CYB5R3: variants seen among roughly 807,000 people sequenced by gnomAD.
The protein encoded by CYB5R3 is NADH-cytochrome b5 reductase 3.
A neutral mutation model predicts 36.5 loss-of-function variants in CYB5R3; 28 were observed. The observed-to-expected ratio is 0.77, with a 90% confidence interval of 0.57 to 1.05. CYB5R3 has a LOEUF of 1.05. CYB5R3 is among the 50% of genes least tolerant of loss of function. CYB5R3 has a pLI of 0.00. For missense variants in CYB5R3, 474 were observed against 408.9 expected (o/e 1.16, Z -1.37); for synonymous variants, 181 against 159.8 (o/e 1.13, Z -1.00).
At chr22:42,642,236 G>A (rs1358586216) in intron 1 of CYB5R3, among the ~76,000 whole-genome samples, 2 of 151,106 alleles carry the variant, frequency 1.3e-5, no homozygotes, top group South Asian at 2.1e-4. Context: ...CCCAGTCCCC[G>A]AAGTAACTGG....
chr22:42,636,924 C>A, intron 1 of CYB5R3, 78 bp from the exon 2 acceptor site: 1 of 1,560,338 alleles, frequency 6.4e-7, no homozygotes, highest in African/African-American at 1.4e-5. Context: ...CACTACCAGG[C>A]CTCTGCTCAC....
In CYB5R3 at chr22:42,628,294, C is replaced by A. The variant is rs1349025605; in HGVS notation, c.334-13G>T. On this transcript the variant is annotated splice_polypyrimidine_tract_variant and intron_variant, in intron 4 of 8. Transcript: ENST00000352397. ...CCTTGAAGTAAACCTGCAAGACACC[C>A]CCGCAGCCCTCAGTCCCCAGCTCCA... The A allele has an allele frequency of 6.2e-7, 1 of 1,613,124 alleles. No homozygotes were observed. Among genetic ancestry groups the A allele is most frequent in the African/African-American group, 1.3e-5 (1 of 74,898 alleles).
rs201760253 is a variant in CYB5R3 at position 42,619,298 on chromosome 22, C to T, written c.*475G>A. 1.3e-4 allele frequency: 22 copies of T among 175,186 alleles called. No individual in the cohort carries two copies. In the East Asian group the frequency reaches 1.8e-3, roughly 14 times the overall value. The allele number at this position is 175,186 out of a possible 1,614,324, so 10.9% of individuals were successfully genotyped here. On this transcript the variant is annotated 3_prime_UTR_variant, in exon 9 of 9. Transcript: ENST00000352397. ...TTTCTGGTGTCAATGTCTCATGCAG[C>T]GTCAGGTGGTGAGGCCTGGGCCTGG...
intron 1 of CYB5R3, among the ~76,000 whole-genome samples, chr22:42,637,409 T>G (rs1210477348): frequency 6.6e-6 from 1 of 152,138 alleles, no homozygotes; most frequent in Non-Finnish European, 1.5e-5. Flanking sequence ...CTCTCCTCTT[T>G]GCTCTCCCAC....
chr22:42,629,663 G>A (rs1013570574), intron 4 of CYB5R3, among the ~76,000 whole-genome samples: 10 of 152,202 alleles, frequency 6.6e-5, no homozygotes, highest in African/African-American at 1.9e-4. Flanking sequence ...CTACGGCCCA[G>A]TAAGGGGGCT....
chr22:42,631,182 T>C (rs778231337), intron 3 of CYB5R3, 194 bp from the exon 4 acceptor site: 95 of 744,528 alleles, frequency 1.3e-4, no homozygotes, highest in Non-Finnish European at 2.0e-4. Flanking sequence ...TCACTCCTGC[T>C]GGTGCCACTG....
chr22:42,644,504 A>G lies in CYB5R3; in HGVS notation c.21+4791T>C, dbSNP rs943660183. 23 of 1,287,382 alleles carry G rather than the reference A, an allele frequency of 1.8e-5. No individual in the cohort carries two copies. The African/African-American group carries it at 3.4e-4, about 19-fold the overall frequency. The allele number at this position is 1,287,382 out of a possible 1,614,324, so 79.7% of individuals were successfully genotyped here. A position where few individuals can be genotyped will look rare whatever the true frequency, so the allele number is the denominator to read the frequency against. ...GCATGCATCCAACCAGCAAACTCCT[A>G]TTCATTCCTCAGAGCCTAGCTCAAA... On this transcript the variant is annotated intron_variant, in intron 1 of 8. Transcript: ENST00000352397.
At chr22:42,640,405 G>A in intron 1 of CYB5R3, 1 of 587,196 alleles carries the variant, frequency 1.7e-6, no homozygotes, top group Non-Finnish European at 2.4e-6. Flanking sequence ...TTGAGATGGA[G>A]TCTCACTCTA....
chr22:42,631,495 CCTCCCAGGGCGG>C, intron 2 of CYB5R3, 45 bp from the exon 3 acceptor site: 1 of 1,532,950 alleles, frequency 6.5e-7, no homozygotes, highest in Non-Finnish European at 8.8e-7. Flanking sequence ...AGGGCAGAGG[CCTCCCAGGGCGG>C]CTCCCAGGCC....
chr22:42,639,889 T>C, intron 1 of CYB5R3: 1 of 1,388,164 alleles, frequency 7.2e-7, no homozygotes, highest in Non-Finnish European at 9.6e-7. Context: ...TTTATTCAGA[T>C]AGCAGTCTGA....
chr22:42,640,114 T>G (rs755105480), intron 1 of CYB5R3: 21 of 1,613,818 alleles, frequency 1.3e-5, no homozygotes, highest in Non-Finnish European at 1.8e-5. Context: ...GACTATTTTT[T>G]TCAGGCTCTG....
At chr22:42,647,388 AG>A (rs1292730694) in intron 1 of CYB5R3, among the ~76,000 whole-genome samples, 1 of 152,162 alleles carries the variant, frequency 6.6e-6, no homozygotes, top group Non-Finnish European at 1.5e-5. Context: ...CTGGGATGGG[AG>A]GATCACTTGA....
intron 2 of CYB5R3, among the ~76,000 whole-genome samples, chr22:42,633,560 G>A (rs972188003): frequency 1.3e-5 from 2 of 152,194 alleles, no homozygotes; most frequent in Admixed American, 6.5e-5. Flanking sequence ...CGAGGCGGGC[G>A]GATCACCTGA....
chr22:42,631,541 C>G, intron 2 of CYB5R3, 91 bp from the exon 3 acceptor site: 1 of 1,116,342 alleles, frequency 9.0e-7, no homozygotes, highest in Non-Finnish European at 1.3e-6. Flanking sequence ...CCCATTCCTC[C>G]TTTGTGTCCC....
At chr22:42,647,912 G>A (rs924389176) in intron 1 of CYB5R3, among the ~76,000 whole-genome samples, 2 of 152,138 alleles carry the variant, frequency 1.3e-5, no homozygotes, top group Non-Finnish European at 2.9e-5. Flanking sequence ...AGGTGCAGGG[G>A]ACGTGGCCAT....
intron 7 of CYB5R3, among the ~76,000 whole-genome samples, chr22:42,625,304 C>T (rs534999614): frequency 7.9e-5 from 12 of 152,082 alleles, no homozygotes; most frequent in African/African-American, 2.7e-4. Flanking sequence ...CTCATGAGTT[C>T]GAGACCAGCC....
At chr22:42,625,763 G>C (rs1348329787) in intron 7 of CYB5R3, among the ~76,000 whole-genome samples, 1 of 152,094 alleles carries the variant, frequency 6.6e-6, no homozygotes, top group Non-Finnish European at 1.5e-5. Flanking sequence ...AGTGTAGCAT[G>C]GGGACCCCTG....
chr22:42,640,046 C>G, intron 1 of CYB5R3: 1 of 1,613,656 alleles, frequency 6.2e-7, no homozygotes, highest in Non-Finnish European at 8.5e-7. Context: ...GCCACCAAAC[C>G]GTTCAGCAAA....
At chr22:42,640,294 C>T in intron 1 of CYB5R3, 2 of 1,540,072 alleles carry the variant, frequency 1.3e-6, no homozygotes. Flanking sequence ...ATGGAAAGTC[C>T]ATCATCCCGA....
Sources: gnomAD v4.1 joint callset for allele counts (sites outside exome capture counted in the v4.1 genomes callset) on GRCh38, gnomAD v4.1.1 for gene constraint, MANE v1.5 for transcripts, NCBI Gene and HGNC (gene_info 2026-07-23, HGNC 2026-07-21) for gene names.